The following TMEM181 variants were observed in gnomAD, a reference collection of about 807,000 sequenced individuals.
TMEM181 encodes transmembrane protein 181, also known as G protein-coupled receptor 178.
Under a neutral mutation model 71.9 loss-of-function variants are expected in TMEM181, and 39 were observed. That is an observed-to-expected ratio of 0.54 (90% CI 0.42 to 0.71). TMEM181 has a LOEUF of 0.71. TMEM181 is among the 30% of genes least tolerant of loss of function. The pLI is 0.00. For synonymous variants in TMEM181, 245 were observed against 228.8 expected (o/e 1.07, Z -0.64); for missense variants, 595 against 583.0 (o/e 1.02, Z -0.21).
chr6:158,617,104 G>A lies in TMEM181; in HGVS notation c.897-6446G>A, dbSNP rs145799719. Among the ~76,000 whole-genome samples the A allele has an allele frequency of 3.0e-3, 455 of 152,224 alleles. 1 individual carries two copies. Among genetic ancestry groups the A allele is most frequent in the Non-Finnish European group, 4.9e-3 (333 of 67,994 alleles). On this transcript the variant is annotated intron_variant, in intron 10 of 16. Transcript: ENST00000684151. ...TCTGGTAGAATTCGGCTGTGAATCC[G>A]TCTGGTCCTGGACTTTTTTTCGTTG...
intron 10 of TMEM181, chr6:158,610,865 G>T: frequency 5.9e-6 from 2 of 340,112 alleles, no homozygotes; most frequent in South Asian, 6.4e-5. Flanking sequence ...CTGTAAAAAT[G>T]AGGCAGGTAC....
chr6:158,549,812 T>C (rs55672268), intron 1 of TMEM181, among the ~76,000 whole-genome samples: 39,056 of 152,054 alleles, frequency 0.26, 5,136 homozygotes, highest in Middle Eastern at 0.29. Context: ...CAGGAGTATT[T>C]TTTGTATGTA....
chr6:158,560,613 C>T (rs1341271466), intron 1 of TMEM181, among the ~76,000 whole-genome samples: 9 of 152,148 alleles, frequency 5.9e-5, no homozygotes, highest in African/African-American at 1.7e-4. Context: ...GGCAGCCTCT[C>T]CTGCCGGAAA....
chr6:158,608,014 C>T (rs1300905882), intron 8 of TMEM181, among the ~76,000 whole-genome samples: 1 of 152,256 alleles, frequency 6.6e-6, no homozygotes, highest in Non-Finnish European at 1.5e-5. Context: ...GCATACGGCG[C>T]TCTGTCGTGA....
intron 1 of TMEM181, among the ~76,000 whole-genome samples, chr6:158,544,419 C>G (rs2128278761): frequency 6.6e-6 from 1 of 152,150 alleles, no homozygotes; most frequent in East Asian, 1.9e-4. Flanking sequence ...CCAGGTTAAG[C>G]CAGGCTGGGT....
chr6:158,629,589 C>T (rs1013452752), intron 14 of TMEM181, 141 bp from the exon 15 acceptor site: 27 of 665,150 alleles, frequency 4.1e-5, no homozygotes, highest in South Asian at 7.4e-5. Context: ...GGAGTCCTGA[C>T]GTCTGGGTAA....
chr6:158,584,059 AT>A lies in TMEM181; in HGVS notation c.259+19del, dbSNP rs1361375034. Reference sequence around the variant, plus strand: ...TCAATCAAAAGGTATGGAGCTTGACATTTTGGAATGATTTTTCATTATACGA... The same window carrying A: ...TCAATCAAAAGGTATGGAGCTTGACATTTGGAATGATTTTTCATTATACGA... On this transcript the variant is annotated intron_variant, in intron 4 of 16. Coordinates refer to ENST00000684151, the MANE Select transcript of TMEM181 (RefSeq NM_001376852.1). 1 of 1,579,750 alleles carries A rather than the reference AT, an allele frequency of 6.3e-7. No individual in the cohort carries two copies. Among genetic ancestry groups the A allele is most frequent in the Non-Finnish European group, 8.6e-7 (1 of 1,163,424 alleles).
At chr6:158,629,109 G>A (rs1786517023) in intron 14 of TMEM181, among the ~76,000 whole-genome samples, 1 of 152,194 alleles carries the variant, frequency 6.6e-6, no homozygotes, top group Non-Finnish European at 1.5e-5. Flanking sequence ...GCCTCGCCCA[G>A]AAGTCGGAGA....
chr6:158,600,458 A>AT lies in TMEM181; in HGVS notation c.493-4781dup, dbSNP rs61457107. On this transcript the variant is annotated intron_variant, in intron 6 of 16. Transcript: ENST00000684151. ...AGTCACCGTGCCTGGCCTAGGGTTA[A>AT]TTTTTTTTTTTTTTTTTTTTTTTTT... 2.0e-3 allele frequency among the ~76,000 whole-genome samples: 188 copies of AT among 91,864 alleles called. 3 individuals carry two copies. The highest frequency in any genetic ancestry group is 6.2e-3 in the South Asian group (15 of 2,432). The allele number at this position is 91,864 out of a possible 152,430, so 60.3% of individuals were successfully genotyped here.
Position 158,577,446 on chromosome 6 carries a change from G to A in TMEM181, c.113-3494G>A, listed in dbSNP as rs146893593. The stretch of plus-strand genomic sequence containing the variant: ...GAAGAAAAATGAACAGAGACTGAGG[G>A]ACCTTTGGGACACTATCAAATGGAC... On this transcript the variant is annotated intron_variant, in intron 2 of 16. Transcript: ENST00000684151. Among the ~76,000 whole-genome samples the A allele has an allele frequency of 4.7e-3, 710 of 152,246 alleles. 5 individuals carry two copies. The highest frequency in any genetic ancestry group is 0.015 in the African/African-American group (631 of 41,544).
rs756057603 is a variant in TMEM181, at chr6:158,573,529, G to T, written c.112+6G>T. ...CATCTTCGTTGGGATCAGAGGTAAGGTTCGGTTTTTACTCATTGAATCTTT... is the reference window on the plus strand; with the variant it reads ...CATCTTCGTTGGGATCAGAGGTAAGTTTCGGTTTTTACTCATTGAATCTTT... On this transcript the variant is annotated splice_donor_region_variant and intron_variant, in intron 2 of 16. Transcript: ENST00000684151. 17 of 1,597,550 alleles carry T rather than the reference G, an allele frequency of 1.1e-5. 1 individual carries two copies. The South Asian group carries it at 1.7e-4, about 16-fold the overall frequency.
chr6:158,601,087 T>C (rs9346759), intron 6 of TMEM181, among the ~76,000 whole-genome samples: 75,680 of 152,000 alleles, frequency 0.5, 20,070 homozygotes, highest in East Asian at 0.75. Flanking sequence ...GCTCAAGTCG[T>C]TACTTTGATA....
intron 6 of TMEM181, among the ~76,000 whole-genome samples, chr6:158,592,397 C>A (rs1784156244): frequency 6.6e-6 from 1 of 152,096 alleles, no homozygotes; most frequent in South Asian, 2.1e-4. Flanking sequence ...GTAATCCCAG[C>A]ACTTTGGAAA....
intron 10 of TMEM181, chr6:158,611,692 T>C: frequency 4.1e-6 from 1 of 243,090 alleles, no homozygotes; most frequent in South Asian, 4.9e-5. Flanking sequence ...CCCACACCTG[T>C]GCCCGAGGAA....
At chr6:158,610,803 G>A (rs574588562) in intron 10 of TMEM181, 4 of 307,316 alleles carry the variant, frequency 1.3e-5, no homozygotes, top group African/African-American at 4.4e-5. Flanking sequence ...ACAGGTAGCC[G>A]GCAGGCTTGG....
intron 6 of TMEM181, among the ~76,000 whole-genome samples, chr6:158,600,632 G>A (rs889028066): frequency 9.2e-5 from 14 of 151,458 alleles, no homozygotes; most frequent in South Asian, 2.1e-4. Flanking sequence ...CACCACGCCC[G>A]GCTAATTTTT....
At chr6:158,560,043 G>A (rs1250163925), upstream of TMEM181, 2 of 985,048 alleles carry the variant, frequency 2.0e-6, no homozygotes, top group Non-Finnish European at 2.4e-6. Context: ...GCCCTCTTCC[G>A]CCGTGAGAGT....
At chr6:158,560,913 C>T (rs942873317) in intron 1 of TMEM181, among the ~76,000 whole-genome samples, 1 of 152,040 alleles carries the variant, frequency 6.6e-6, no homozygotes, top group South Asian at 2.1e-4. Context: ...TTGCTTTTGA[C>T]CCAGCAGTCG....
intron 1 of TMEM181, among the ~76,000 whole-genome samples, chr6:158,561,390 G>A (rs1782162755): frequency 6.6e-6 from 1 of 152,212 alleles, no homozygotes; most frequent in South Asian, 2.1e-4. Context: ...TAGCAGTATT[G>A]CCTCTGCACA....
Sources: gnomAD v4.1 joint callset for allele counts (sites outside exome capture counted in the v4.1 genomes callset) on GRCh38, gnomAD v4.1.1 for gene constraint, MANE v1.5 for transcripts, NCBI Gene and HGNC (gene_info 2026-07-23, HGNC 2026-07-21) for gene names.